Variants in EXOC6B observed in about 807,000 individuals in gnomAD.
The protein encoded by EXOC6B is SEC15 homolog B.
Under a neutral mutation model 113.5 loss-of-function variants are expected in EXOC6B, and 54 were observed. That is an observed-to-expected ratio of 0.48 (90% CI 0.38 to 0.60). EXOC6B has a LOEUF of 0.60. Ranked by LOEUF, EXOC6B falls within the 20% of genes least tolerant of loss-of-function variation. The pLI is 0.00. For missense variants in EXOC6B, 797 were observed against 977.5 expected (o/e 0.82, Z 2.46); for synonymous variants, 357 against 339.0 (o/e 1.05, Z -0.58).
chr2:72,249,312 T>A (rs970360596), intron 20 of EXOC6B, among the ~76,000 whole-genome samples: 5 of 152,048 alleles, frequency 3.3e-5, no homozygotes, highest in African/African-American at 1.2e-4. Flanking sequence ...CAGGCTGGAG[T>A]GCAGTGGTGC....
chr2:72,215,731 G>A (rs1203724725), intron 20 of EXOC6B, among the ~76,000 whole-genome samples: 1 of 152,110 alleles, frequency 6.6e-6, no homozygotes, highest in African/African-American at 2.4e-5. Context: ...GCACCTGTTA[G>A]GAGACTTCTT....
intron 18 of EXOC6B, among the ~76,000 whole-genome samples, chr2:72,435,250 A>T (rs1305667628): frequency 6.6e-6 from 1 of 152,052 alleles, no homozygotes; most frequent in Non-Finnish European, 1.5e-5. Flanking sequence ...TTCTAATTTG[A>T]TTGTGCTATG....
At position 72,179,344 on chromosome 2, in the gene EXOC6B, G is replaced by A; in HGVS notation, c.2427C>T (p.His809=). The change falls in exon 22 of 22, where the codon CAC becomes CAT. Residue 809 remains histidine (H), a synonymous_variant. Transcript: ENST00000272427. The part of the protein sequence containing the change: ...AKQLRGLISS[H]HS The stretch of plus-strand genomic sequence containing the variant: ...GGTCCGGGGTCACCCTTCATGAGTG[G>A]TGGCTGCTGATGAGTCCTCGGAGCT... 1 of 1,608,842 alleles carries A rather than the reference G, an allele frequency of 6.2e-7. No homozygotes were observed. Among genetic ancestry groups the A allele is most frequent in the Admixed American group, 1.7e-5 (1 of 59,626 alleles).
chr2:72,552,875 A>G, intron 8 of EXOC6B, among the ~76,000 whole-genome samples: 1 of 152,088 alleles, frequency 6.6e-6, no homozygotes, highest in Non-Finnish European at 1.5e-5. Context: ...AACTAAATAA[A>G]AATTATTTAC....
chr2:72,782,253 T>C lies in EXOC6B; in HGVS notation c.114-40784A>G, dbSNP rs182953468. 3.0e-4 allele frequency among the ~76,000 whole-genome samples: 46 copies of C among 152,222 alleles called. 1 individual carries two copies. In the East Asian group the frequency reaches 8.3e-3, roughly 27 times the overall value. ...TTGTTTCTTCCCTACTATTATAGAA[T>C]GCCTAAATCTCCTTTATCTACAAAT... On this transcript the variant is annotated intron_variant, in intron 1 of 21. Transcript: ENST00000272427.
At chr2:72,588,724 A>C (rs143088214) in intron 6 of EXOC6B, among the ~76,000 whole-genome samples, 8 of 152,144 alleles carry the variant, frequency 5.3e-5, no homozygotes, top group African/African-American at 1.9e-4. Flanking sequence ...TAGCCCTTTG[A>C]AAATTGAAAG....
intron 6 of EXOC6B, among the ~76,000 whole-genome samples, chr2:72,689,932 T>C (rs1388061886): frequency 1.3e-5 from 2 of 152,222 alleles, no homozygotes; most frequent in Non-Finnish European, 2.9e-5. Flanking sequence ...GACAATTTGT[T>C]ATACAAGTTT....
At chr2:72,368,076 G>A (rs919429371) in intron 19 of EXOC6B, among the ~76,000 whole-genome samples, 98 of 152,206 alleles carry the variant, frequency 6.4e-4, no homozygotes, top group Admixed American at 9.2e-4. Flanking sequence ...GGGCAGCTAA[G>A]GGAATGCTTG....
At chr2:72,750,811 C>T (rs1173304563) in intron 1 of EXOC6B, among the ~76,000 whole-genome samples, 1 of 152,086 alleles carries the variant, frequency 6.6e-6, no homozygotes, top group Non-Finnish European at 1.5e-5. Flanking sequence ...GAAGCAAAGG[C>T]AAATCTTCTC....
intron 21 of EXOC6B, 30 bp from the exon 22 acceptor site, chr2:72,179,491 C>T: frequency 6.2e-7 from 1 of 1,613,338 alleles, no homozygotes; most frequent in Non-Finnish European, 8.5e-7. Flanking sequence ...AAGAGGGCAA[C>T]ATGTTTGAGG....
At chr2:72,342,281 G>C (rs1232268772) in intron 19 of EXOC6B, among the ~76,000 whole-genome samples, 2 of 151,844 alleles carry the variant, frequency 1.3e-5, no homozygotes, top group South Asian at 2.1e-4. Context: ...AAATGAAATA[G>C]AGACTAGAAA....
At chr2:72,814,142 G>A (rs920643860) in intron 1 of EXOC6B, among the ~76,000 whole-genome samples, 6 of 152,170 alleles carry the variant, frequency 3.9e-5, no homozygotes, top group African/African-American at 1.4e-4. Flanking sequence ...AGGTCAAATT[G>A]AAAGTCTGTG....
rs141514199 is a variant in EXOC6B at position 72,759,748 on chromosome 2, C to G, written c.114-18279G>C. The stretch of plus-strand genomic sequence containing the variant: ...AATTTTAACGGGGAAGACTGTTAAT[C>G]ACAAAACATCAAGTAGAGACTTGAA... On this transcript the variant is annotated intron_variant, in intron 1 of 21. Coordinates refer to ENST00000272427, the MANE Select transcript of EXOC6B (RefSeq NM_015189.3). Among the ~76,000 whole-genome samples, 198 of 152,286 alleles carry G rather than the reference C, an allele frequency of 1.3e-3. 1 individual carries two copies. The highest frequency in any genetic ancestry group is 4.3e-3 in the African/African-American group (179 of 41,566).
chr2:72,274,612 T>G (rs529279860), intron 20 of EXOC6B, among the ~76,000 whole-genome samples: 1 of 152,224 alleles, frequency 6.6e-6, no homozygotes, highest in Admixed American at 6.6e-5. Flanking sequence ...GTGTCCTAAC[T>G]GAAACTTCTT....
At chr2:72,210,659 A>C (rs1680131701) in intron 20 of EXOC6B, among the ~76,000 whole-genome samples, 1 of 152,196 alleles carries the variant, frequency 6.6e-6, no homozygotes, top group African/African-American at 2.4e-5. Flanking sequence ...CAGCTATCCC[A>C]AAGGGGGCTG....
chr2:72,585,585 C>CA (rs111607878), intron 6 of EXOC6B, among the ~76,000 whole-genome samples: 235 of 109,306 alleles, frequency 2.1e-3, no homozygotes, highest in East Asian at 8.0e-3. Context: ...CAACTGAGTG[C>CA]AAAAAAAAAA....
At chr2:72,729,012 G>A (rs1190265303) in intron 5 of EXOC6B, among the ~76,000 whole-genome samples, 2 of 152,126 alleles carry the variant, frequency 1.3e-5, no homozygotes, top group African/African-American at 4.8e-5. Context: ...ATTCACAGCT[G>A]TATCCCCAGA....
intron 20 of EXOC6B, among the ~76,000 whole-genome samples, chr2:72,300,864 G>A (rs1367587023): frequency 6.6e-6 from 1 of 152,106 alleles, no homozygotes; most frequent in Non-Finnish European, 1.5e-5. Flanking sequence ...TGCATCCCCT[G>A]TCCAACCAGT....
At chr2:72,315,297 C>T (rs933975934) in intron 20 of EXOC6B, among the ~76,000 whole-genome samples, 3 of 151,878 alleles carry the variant, frequency 2.0e-5, no homozygotes, top group African/African-American at 7.2e-5. Flanking sequence ...AGAGTGAGAA[C>T]AGAGTAACTG....
Sources: gnomAD v4.1 joint callset for allele counts (sites outside exome capture counted in the v4.1 genomes callset) on GRCh38, gnomAD v4.1.1 for gene constraint, MANE v1.5 for transcripts, NCBI Gene and HGNC (gene_info 2026-07-23, HGNC 2026-07-21) for gene names.